BCO1: variants seen among roughly 807,000 people sequenced by gnomAD.
BCO1 encodes the protein beta,beta-carotene 15,15'-dioxygenase.
Under a neutral mutation model 56.3 loss-of-function variants are expected in BCO1, and 54 were observed. The ratio of observed to expected loss-of-function variants is 0.96; its 90% CI spans 0.77 to 1.20. The LOEUF (loss-of-function observed/expected upper bound fraction) is 1.20. Ranked by LOEUF, BCO1 falls within the 50% of genes most tolerant of loss-of-function variation. The pLI, the probability that BCO1 is intolerant of heterozygous loss-of-function variation, is 0.00. For missense variants in BCO1, 801 were observed against 690.9 expected (o/e 1.16, Z -1.79); for synonymous variants, 318 against 266.1 (o/e 1.20, Z -1.90).
rs930237361 is a variant in BCO1 at position 81,281,338 on chromosome 16, C to G, written c.1207+376C>G. ...GCGCATGCCTGTGGTCCCAGCTACT[C>G]AGGAGGCTGAGGCATGAGAATCACT... is the stretch of plus-strand genomic sequence containing the variant. On this transcript the variant is annotated intron_variant, in intron 8 of 10. Transcript: ENST00000258168. 2.6e-5 allele frequency among the ~76,000 whole-genome samples: 4 copies of G among 152,184 alleles called. No individual in the cohort carries two copies. The East Asian group carries it at 7.8e-4, about 30-fold the overall frequency.
chr16:81,262,219 A>T lies in BCO1; in HGVS notation c.407A>T (p.Tyr136Phe). 6.2e-7 allele frequency: 1 copy of T among 1,613,682 alleles called. No individual in the cohort carries two copies. ...INIMKCGEDF[Y>F]ATSETNYIRK... ...ATCATGAAGTGCGGAGAAGACTTCTACGCGACCTCAGAGACCAATTACATC... is the reference window on the plus strand; with the variant it reads ...ATCATGAAGTGCGGAGAAGACTTCTTCGCGACCTCAGAGACCAATTACATC... Residue 136 changes from tyrosine (Y) to phenylalanine (F), a missense_variant, in exon 4 of 11, where the codon TAC (tyrosine) becomes TTC (phenylalanine). By Grantham distance (22) the Tyr-to-Phe change is conservative (BLOSUM62 3). Coordinates refer to ENST00000258168, the MANE Select transcript of BCO1 (RefSeq NM_017429.3).
intron 2 of BCO1, among the ~76,000 whole-genome samples, chr16:81,249,139 G>A (rs966923532): frequency 2.7e-5 from 4 of 149,362 alleles, no homozygotes; most frequent in African/African-American, 9.9e-5. Context: ...TACCCAGGTT[G>A]GAGTGTGGTG....
At chr16:81,272,659 A>T (rs4888133) in intron 7 of BCO1, among the ~76,000 whole-genome samples, 1 of 152,092 alleles carries the variant, frequency 6.6e-6, no homozygotes, top group Admixed American at 6.5e-5. Flanking sequence ...AGACTTACAA[A>T]GGCTTCTGGC....
intron 7 of BCO1, among the ~76,000 whole-genome samples, chr16:81,274,438 G>A (rs1028758199): frequency 3.3e-5 from 5 of 151,930 alleles, no homozygotes; most frequent in African/African-American, 9.7e-5. Context: ...TTATTGTTTT[G>A]TATTTTTGGT....
intron 2 of BCO1, among the ~76,000 whole-genome samples, chr16:81,255,006 C>T (rs1906040461): frequency 6.6e-6 from 1 of 152,194 alleles, no homozygotes; most frequent in Non-Finnish European, 1.5e-5. Flanking sequence ...TAGTCTTGAA[C>T]TCCTGGGCTC....
intron 7 of BCO1, among the ~76,000 whole-genome samples, chr16:81,276,531 T>C (rs1907568254): frequency 6.6e-6 from 1 of 152,236 alleles, no homozygotes; most frequent in African/African-American, 2.4e-5. Flanking sequence ...CAGTGAGGGA[T>C]GGAGCCTGGG....
At chr16:81,259,980 A>G (rs1906385120) in intron 3 of BCO1, among the ~76,000 whole-genome samples, 175 bp downstream of exon 3, 1 of 152,210 alleles carries the variant, frequency 6.6e-6, no homozygotes, top group South Asian at 2.1e-4. Flanking sequence ...CAGAGAGACT[A>G]AGAGCATTTG....
chr16:81,286,188 A>T (rs1345557963), intron 9 of BCO1, among the ~76,000 whole-genome samples: 1 of 152,054 alleles, frequency 6.6e-6, no homozygotes, highest in Non-Finnish European at 1.5e-5. Flanking sequence ...TGCCTGGCCC[A>T]TTTTGCTTCT....
At chr16:81,259,633 G>A (rs1284412845) in intron 2 of BCO1, 43 bp from the exon 3 acceptor site, 1 of 1,613,886 alleles carries the variant, frequency 6.2e-7, no homozygotes, top group African/African-American at 1.3e-5. Context: ...TTAAAGCCCT[G>A]TGAAGGCGTC....
intron 6 of BCO1, among the ~76,000 whole-genome samples, chr16:81,269,865 C>T (rs1362061552): frequency 6.6e-6 from 1 of 152,162 alleles, no homozygotes; most frequent in East Asian, 1.9e-4. Flanking sequence ...ACAAGGGGAC[C>T]GTGCACACTG....
chr16:81,281,534 T>A (rs1907881066), intron 8 of BCO1, among the ~76,000 whole-genome samples: 1 of 152,226 alleles, frequency 6.6e-6, no homozygotes, highest in South Asian at 2.1e-4. Context: ...AACATGGGCT[T>A]ACTGAACAGG....
chr16:81,249,247 C>T (rs1226201727), intron 2 of BCO1, among the ~76,000 whole-genome samples: 1 of 151,828 alleles, frequency 6.6e-6, no homozygotes, highest in African/African-American at 2.4e-5. Context: ...CATGCCACCA[C>T]ATCTGGCTAG....
At chr16:81,262,062 A>G in intron 3 of BCO1, 74 bp from the exon 4 acceptor site, 1 of 1,548,878 alleles carries the variant, frequency 6.5e-7, no homozygotes, top group Non-Finnish European at 8.9e-7. Context: ...TAGGAAAACT[A>G]AAGCCATCAA....
chr16:81,246,774 C>G (rs1350171533), intron 2 of BCO1, among the ~76,000 whole-genome samples: 3 of 149,006 alleles, frequency 2.0e-5, no homozygotes. Context: ...TTGCTTGAAC[C>G]CAGGAAGCAG....
At chr16:81,240,464 C>G (rs4889290) in intron 1 of BCO1, among the ~76,000 whole-genome samples, 62,494 of 151,920 alleles carry the variant, frequency 0.41, 13,710 homozygotes, top group African/African-American at 0.57. Flanking sequence ...CCAGCACTTT[C>G]GGAGGCCAAA....
At chr16:81,252,101 G>A (rs1322073664) in intron 2 of BCO1, among the ~76,000 whole-genome samples, 1 of 152,044 alleles carries the variant, frequency 6.6e-6, no homozygotes, top group Non-Finnish European at 1.5e-5. Context: ...AGTAATTCCA[G>A]ACACCTACTT....
chr16:81,250,621 C>T (rs1472326486), intron 2 of BCO1, among the ~76,000 whole-genome samples: 5 of 128,514 alleles, frequency 3.9e-5, no homozygotes, highest in East Asian at 2.2e-4. Context: ...CACTGTGTTG[C>T]CCAGGCTGGA....
chr16:81,287,458 C>T (rs1366899650), intron 10 of BCO1, 52 bp downstream of exon 10: 1 of 1,436,540 alleles, frequency 7.0e-7, no homozygotes, highest in East Asian at 2.3e-5. Flanking sequence ...GCAGATCGCC[C>T]TCCAACAGAG....
chr16:81,246,741 C>T (rs911758118), intron 2 of BCO1, among the ~76,000 whole-genome samples: 2 of 151,196 alleles, frequency 1.3e-5, no homozygotes, highest in Non-Finnish European at 2.9e-5. Flanking sequence ...ATCCCAGCTA[C>T]TAGGGAGGCT....
Sources: allele counts gnomAD v4.1 joint callset (sites outside exome capture counted in the v4.1 genomes callset), GRCh38; gene constraint gnomAD v4.1.1; transcripts MANE v1.5; gene names NCBI Gene and HGNC (gene_info 2026-07-23, HGNC 2026-07-21).